Variants in CCNJL observed in about 807,000 individuals in gnomAD.
CCNJL encodes the protein cyclin J like.
A neutral mutation model predicts 33.4 loss-of-function variants in CCNJL; 33 were observed. The ratio of observed to expected loss-of-function variants is 0.99; its 90% CI spans 0.75 to 1.32. CCNJL has a LOEUF of 1.32. Among genes scored for constraint, CCNJL ranks in the 40% most tolerant of loss-of-function variants. The pLI is 0.00. For synonymous variants in CCNJL, 227 were observed against 220.9 expected (o/e 1.03, Z -0.24); for missense variants, 512 against 499.7 (o/e 1.02, Z -0.23).
chr5:160,337,244 G>C (rs1763695081), intron 1 of CCNJL, among the ~76,000 whole-genome samples: 1 of 151,038 alleles, frequency 6.6e-6, no homozygotes, highest in African/African-American at 2.4e-5. Flanking sequence ...TTGAACTCCT[G>C]GGCTGAAAAG....
In CCNJL at chr5:160,255,698, G is replaced by T; in HGVS notation, c.594C>A (p.Phe198Leu). Reference sequence around the variant, plus strand: ...CGACCACAGAAGGCTGGAATTTGTAGAATATGTGATCTGAAAGAAAGCCAC... The same window carrying T: ...CGACCACAGAAGGCTGGAATTTGTATAATATGTGATCTGAAAGAAAGCCAC... Reference protein sequence around the residue: ...FLEVTLQDHIFYKFQPSVVAA... With the variant: ...FLEVTLQDHILYKFQPSVVAA... Residue 198 changes from phenylalanine (F) to leucine (L), a missense_variant, in exon 5 of 6, where the codon TTC becomes TTA. Physicochemically the swap from Phe to Leu is conservative, Grantham distance 22 (BLOSUM62 0). Coordinates refer to ENST00000257536, the MANE Select transcript of CCNJL (RefSeq NM_001308173.3). 6.2e-7 allele frequency: 1 copy of T among 1,613,834 alleles called. No individual in the cohort carries two copies. Among genetic ancestry groups the T allele is most frequent in the Non-Finnish European group, 8.5e-7 (1 of 1,180,024 alleles).
chr5:160,317,191 C>A (rs557169824), upstream of CCNJL, among the ~76,000 whole-genome samples: 1 of 152,280 alleles, frequency 6.6e-6, no homozygotes, highest in African/African-American at 2.4e-5. Flanking sequence ...TTGCCAAATC[C>A]TTTATGATCC....
Position 160,251,636 on chromosome 5 carries a change from T to A in CCNJL, c.*1742A>T, listed in dbSNP as rs566400605. 2.0e-5 allele frequency: 3 copies of A among 152,322 alleles called. No homozygotes were observed. The South Asian group carries it at 6.2e-4, about 32-fold the overall frequency. The allele number at this position is 152,322 out of a possible 1,614,324, so 9.4% of individuals were successfully genotyped here. Reference sequence around the variant, plus strand: ...AAGGAGGGGCCGGCCCAAGAGGGGATGCCTAGGACAAGAGGTGAGAGATCA... The same window carrying A: ...AAGGAGGGGCCGGCCCAAGAGGGGAAGCCTAGGACAAGAGGTGAGAGATCA... On this transcript the variant is annotated 3_prime_UTR_variant, in exon 6 of 6. Coordinates refer to ENST00000257536, the MANE Select transcript of CCNJL (RefSeq NM_001308173.3).
chr5:160,327,941 C>A (rs935331823), intron 1 of CCNJL, among the ~76,000 whole-genome samples: 6 of 152,102 alleles, frequency 3.9e-5, no homozygotes, highest in Non-Finnish European at 2.9e-5. Context: ...CAGGTGTGAA[C>A]AAAGTGAGTG....
At chr5:160,290,049 G>A (rs985584117) in intron 2 of CCNJL, among the ~76,000 whole-genome samples, 6 of 152,200 alleles carry the variant, frequency 3.9e-5, no homozygotes, top group African/African-American at 1.4e-4. Flanking sequence ...AAAGCATTTT[G>A]AGGCTAACCT....
rs1178088033 is a variant in CCNJL at position 160,321,028 on chromosome 5, TTCTTTCTTTCTTTC to T, written n.207-5537_207-5524del. On this transcript the variant is annotated intron_variant and non_coding_transcript_variant, in intron 1 of 7. Coordinates refer to the CCNJL transcript ENST00000377503. ...TCTCTCTCTCTCTTTCTTTCTTTCT[TTCTTTCTTTCTTTC>T]TTTCTTTCTTTCTTTCTTTCTTTCT... Among the ~76,000 whole-genome samples, 57 of 26,480 alleles carry T rather than the reference TTCTTTCTTTCTTTC, an allele frequency of 2.2e-3. 1 individual carries two copies. Among genetic ancestry groups the T allele is most frequent in the South Asian group, 3.8e-3 (3 of 782 alleles). 17.4% of individuals were successfully genotyped at this position (26,480 alleles called of 152,430 possible). A position where few individuals can be genotyped will look rare whatever the true frequency, so the allele number is the denominator to read the frequency against.
chr5:160,333,770 C>A (rs148233631), intron 1 of CCNJL, among the ~76,000 whole-genome samples: 4 of 152,076 alleles, frequency 2.6e-5, no homozygotes, highest in Non-Finnish European at 4.4e-5. Flanking sequence ...CCCTTCTCTA[C>A]GCCCCCTTGC....
chr5:160,330,670 CTT>C (rs34682412), intron 1 of CCNJL, among the ~76,000 whole-genome samples: 4,973 of 148,682 alleles, frequency 0.033, 267 homozygotes, highest in African/African-American at 0.11. Flanking sequence ...CTTTTCTTTT[CTT>C]TTTTTTTTTG....
upstream of CCNJL, among the ~76,000 whole-genome samples, chr5:160,316,906 C>T (rs985363054): frequency 6.6e-6 from 1 of 152,184 alleles, no homozygotes; most frequent in African/African-American, 2.4e-5. Context: ...TCCATGTAAC[C>T]ATACTGCAGT....
intron 3 of CCNJL, among the ~76,000 whole-genome samples, chr5:160,260,470 A>C (rs73817359): frequency 0.035 from 5,303 of 152,246 alleles, 296 homozygotes; most frequent in African/African-American, 0.12. Context: ...AGGAATTCTG[A>C]GAAACAGCCT....
At chr5:160,312,029 G>A (rs911216576) in intron 1 of CCNJL, 57 bp from the exon 2 acceptor site, 22 of 1,120,892 alleles carry the variant, frequency 2.0e-5, no homozygotes, top group Admixed American at 9.2e-5. Context: ...CCGACCCCCG[G>A]TGTCCCTATC....
At chr5:160,331,064 G>C (rs927518186) in intron 1 of CCNJL, among the ~76,000 whole-genome samples, 2 of 152,060 alleles carry the variant, frequency 1.3e-5, no homozygotes, top group African/African-American at 4.8e-5. Context: ...CACCTCAGCT[G>C]TTCCTTGTGA....
At chr5:160,301,040 C>A (rs572012890) in intron 2 of CCNJL, among the ~76,000 whole-genome samples, 1 of 152,308 alleles carries the variant, frequency 6.6e-6, no homozygotes, top group East Asian at 1.9e-4. Context: ...AGGGCTTCCA[C>A]TTTAGGAACT....
chr5:160,313,891 G>A (rs1763344300), upstream of CCNJL, among the ~76,000 whole-genome samples: 1 of 152,264 alleles, frequency 6.6e-6, no homozygotes, highest in African/African-American at 2.4e-5. Context: ...GGATGGCGGG[G>A]CGCGGTGGCT....
intron 3 of CCNJL, among the ~76,000 whole-genome samples, chr5:160,263,114 T>C (rs1313184123): frequency 1.3e-5 from 2 of 152,228 alleles, no homozygotes; most frequent in East Asian, 3.8e-4. Context: ...CTTCACCAGA[T>C]TCTGCCCTTG....
chr5:160,319,422 T>C (rs1253036974), intron 1 of CCNJL, among the ~76,000 whole-genome samples: 1 of 152,204 alleles, frequency 6.6e-6, no homozygotes, highest in African/African-American at 2.4e-5. Context: ...ATGCCAGCAC[T>C]GTGACACATG....
At chr5:160,265,217 T>C (rs6891718) in intron 3 of CCNJL, among the ~76,000 whole-genome samples, 5,512 of 152,300 alleles carry the variant, frequency 0.036, 328 homozygotes, top group African/African-American at 0.12. Flanking sequence ...TGCCTACTGA[T>C]GGACCCATTC....
At position 160,333,591 on chromosome 5, in the gene CCNJL, C is replaced by CAA. The variant is rs565928049; in HGVS notation, n.206+5852_206+5853dup. On this transcript the variant is annotated intron_variant and non_coding_transcript_variant, in intron 1 of 7. Transcript: ENST00000377503. ...GGGTAACAGAGTGAGACCCTGTCTC[C>CAA]AAAAAAAAAAAAAAATCCCTTTCTA... Among the ~76,000 whole-genome samples the CAA allele has an allele frequency of 3.8e-3, 493 of 128,440 alleles. 2 individuals are homozygous for CAA. The highest frequency in any genetic ancestry group is 0.013 in the African/African-American group (447 of 35,692). The allele number at this position is 128,440 out of a possible 152,430, so 84.3% of individuals were successfully genotyped here.
intron 3 of CCNJL, among the ~76,000 whole-genome samples, chr5:160,267,074 G>A (rs1398300206): frequency 1.3e-5 from 2 of 152,224 alleles, no homozygotes; most frequent in Non-Finnish European, 2.9e-5. Flanking sequence ...GCAAGAGGCA[G>A]AGAATCCACA....
Sources: gnomAD v4.1 joint callset for allele counts (sites outside exome capture counted in the v4.1 genomes callset) on GRCh38, gnomAD v4.1.1 for gene constraint, MANE v1.5 for transcripts, NCBI Gene and HGNC (gene_info 2026-07-23, HGNC 2026-07-21) for gene names.